The following GPHN variants were observed in gnomAD, a reference collection of about 807,000 sequenced individuals.
GPHN encodes the protein gephyrin.
GPHN carries 17 observed loss-of-function variants against 95.5 expected under a neutral mutation model. The observed-to-expected ratio is 0.18, with a 90% confidence interval of 0.12 to 0.27. GPHN has a LOEUF of 0.27. GPHN is among the 10% of genes least tolerant of loss of function. The pLI, the probability that GPHN is intolerant of heterozygous loss-of-function variation, is 1.00. For synonymous variants in GPHN, 320 were observed against 322.5 expected, an observed-to-expected ratio of 0.99 and a Z score of 0.08; for missense variants, 660 against 978.1, an observed-to-expected ratio of 0.67 and a Z score of 4.34.
At chr14:67,350,228 ATGT>A in the GPHN span, among the ~76,000 whole-genome samples, 5 of 152,192 alleles carry the variant, frequency 3.3e-5, no homozygotes, top group South Asian at 1.0e-3. Flanking sequence ...AAAAATACAT[ATGT>A]GTAAAAATGT....
the GPHN span, among the ~76,000 whole-genome samples, chr14:67,441,520 G>T: frequency 6.6e-6 from 1 of 152,116 alleles, no homozygotes; most frequent in South Asian, 2.1e-4. Context: ...TCTCCAATGG[G>T]CTCAGTAGAC....
At chr14:67,439,585 C>CTTTCTT in the GPHN span, among the ~76,000 whole-genome samples, 31 of 132,322 alleles carry the variant, frequency 2.3e-4, no homozygotes, top group Non-Finnish European at 1.1e-4. Flanking sequence ...TTCTTTCTTT[C>CTTTCTT]TTTCTTTCTT....
chr14:67,516,551 A>C, the GPHN span, among the ~76,000 whole-genome samples: 1 of 152,182 alleles, frequency 6.6e-6, no homozygotes. Context: ...CTCTTGCCCC[A>C]TTCTGGGCAA....
the GPHN span, among the ~76,000 whole-genome samples, chr14:67,383,030 T>C: frequency 1.1e-4 from 17 of 152,168 alleles, no homozygotes; most frequent in South Asian, 4.1e-4. Context: ...TCTTGAAAGA[T>C]ACAGCCATTG....
chr14:66,665,347 T>C (rs1170505691), intron 1 of GPHN, among the ~76,000 whole-genome samples: 9 of 152,254 alleles, frequency 5.9e-5, no homozygotes, highest in African/African-American at 2.2e-4. Flanking sequence ...TGCAATCTAC[T>C]CATCTGACAA....
the GPHN span, chr14:67,620,976 T>G: frequency 6.2e-7 from 1 of 1,613,180 alleles, no homozygotes; most frequent in African/African-American, 1.3e-5. Context: ...GGTAAGTGGT[T>G]AGATTTTTAG....
At position 66,904,560 on chromosome 14, in the gene GPHN, A is replaced by T. The variant is rs560848132; in HGVS notation, c.390-11443A>T. 2.6e-5 allele frequency among the ~76,000 whole-genome samples: 4 copies of T among 152,290 alleles called. No individual in the cohort carries two copies. The East Asian group carries it at 7.7e-4, about 29-fold the overall frequency. The stretch of plus-strand genomic sequence containing the variant: ...GCATTTTACAATCCTCTTGTAAGAC[A>T]TAAAAGTTCTCCAAGTCCCTGGTTG... On this transcript the variant is annotated intron_variant, in intron 5 of 22. Coordinates refer to ENST00000478722, the MANE Select transcript of GPHN (RefSeq NM_020806.5).
At chr14:66,957,984 C>A (rs957760607) in intron 8 of GPHN, among the ~76,000 whole-genome samples, 22 of 152,136 alleles carry the variant, frequency 1.4e-4, no homozygotes, top group African/African-American at 4.8e-4. Flanking sequence ...CCCCACCAAC[C>A]CCCAGTCCGT....
At chr14:67,108,606 ATAT>A (rs1456126442) in intron 13 of GPHN, among the ~76,000 whole-genome samples, 4 of 152,130 alleles carry the variant, frequency 2.6e-5, no homozygotes, top group Non-Finnish European at 5.9e-5. Context: ...TACAGTAATA[ATAT>A]TATGGAGAGA....
chr14:66,861,163 T>C (rs2153521283), intron 4 of GPHN, among the ~76,000 whole-genome samples: 1 of 151,976 alleles, frequency 6.6e-6, no homozygotes, highest in South Asian at 2.1e-4. Context: ...TAAAGACAAA[T>C]ATAAACTGAA....
chr14:67,005,041 T>A (rs1250701956), intron 9 of GPHN, among the ~76,000 whole-genome samples: 6 of 151,342 alleles, frequency 4.0e-5, no homozygotes, highest in Admixed American at 1.3e-4. Flanking sequence ...TAGGTCAGAA[T>A]GAGTAGCATA....
At chr14:66,935,439 A>T (rs1167662895) in intron 8 of GPHN, among the ~76,000 whole-genome samples, 1 of 150,472 alleles carries the variant, frequency 6.6e-6, no homozygotes, top group African/African-American at 2.4e-5. Context: ...TATATATATT[A>T]TATATATATG....
intron 1 of GPHN, among the ~76,000 whole-genome samples, chr14:66,597,523 A>G (rs2062034656): frequency 6.6e-6 from 1 of 152,106 alleles, no homozygotes; most frequent in African/African-American, 2.4e-5. Flanking sequence ...CGTTGCTCCA[A>G]AATTAGAGTG....
At chr14:66,938,355 AG>A (rs2067235403) in intron 8 of GPHN, among the ~76,000 whole-genome samples, 2 of 152,218 alleles carry the variant, frequency 1.3e-5, no homozygotes, top group Admixed American at 6.5e-5. Context: ...AAGAAGAAAA[AG>A]AGCTTCCTCA....
chr14:67,004,188 A>T (rs2072441014), intron 9 of GPHN, among the ~76,000 whole-genome samples: 1 of 151,770 alleles, frequency 6.6e-6, no homozygotes, highest in East Asian at 1.9e-4. Context: ...TTTACATGAA[A>T]ATTCAGTCAG....
At chr14:67,431,896 T>G in the GPHN span, among the ~76,000 whole-genome samples, 1 of 152,216 alleles carries the variant, frequency 6.6e-6, no homozygotes, top group Non-Finnish European at 1.5e-5. Context: ...TATCTACTTT[T>G]TCTTCTTCAT....
At chr14:66,831,730 A>G (rs2061587186) in intron 4 of GPHN, among the ~76,000 whole-genome samples, 1 of 152,180 alleles carries the variant, frequency 6.6e-6, no homozygotes, top group African/African-American at 2.4e-5. Context: ...ATGCCTACCT[A>G]CATCTCAAAA....
the GPHN span, among the ~76,000 whole-genome samples, chr14:67,192,525 C>A: frequency 5.3e-5 from 8 of 151,520 alleles, no homozygotes; most frequent in South Asian, 1.7e-3. Flanking sequence ...ACTGTGCCCG[C>A]ACACCGAGAA....
Position 66,912,000 on chromosome 14 carries a change from A to G in GPHN, c.390-4003A>G, listed in dbSNP as rs112093896. On this transcript the variant is annotated intron_variant, in intron 5 of 22. Coordinates refer to ENST00000478722, the MANE Select transcript of GPHN (RefSeq NM_020806.5). The stretch of plus-strand genomic sequence containing the variant: ...TTCCTTTCTTGCACCTCTCCAAACA[A>G]CTTTCTACTTTGCAGCCAGAAATAT... 3.1e-3 allele frequency among the ~76,000 whole-genome samples: 472 copies of G among 152,072 alleles called. 11 individuals are homozygous for G. The highest frequency in any genetic ancestry group is 0.011 in the African/African-American group (446 of 41,520).
Sources: allele counts gnomAD v4.1 joint callset (sites outside exome capture counted in the v4.1 genomes callset), GRCh38; gene constraint gnomAD v4.1.1; transcripts MANE v1.5; gene names NCBI Gene and HGNC (gene_info 2026-07-23, HGNC 2026-07-21).